The following EVL variants were observed in gnomAD, a reference collection of about 807,000 sequenced individuals.
EVL encodes the protein Enah/Vasp-like.
In EVL, 21 loss-of-function variants were observed where a neutral mutation model predicts 59.6. The ratio of observed to expected loss-of-function variants is 0.35; its 90% CI spans 0.25 to 0.51. The LOEUF (loss-of-function observed/expected upper bound fraction) is 0.51, where lower values mean the gene tolerates loss of function less well. Among genes scored for constraint, EVL ranks in the 20% least tolerant of loss-of-function variants. The pLI, the probability that EVL is intolerant of heterozygous loss-of-function variation, is 0.97. For synonymous variants in EVL, 198 were observed against 203.5 expected (o/e 0.97, Z 0.23); for missense variants, 462 against 546.6 (o/e 0.85, Z 1.54).
At chr14:100,009,883 A>G (rs2061005534) in intron 1 of EVL, among the ~76,000 whole-genome samples, 1 of 152,210 alleles carries the variant, frequency 6.6e-6, no homozygotes, top group African/African-American at 2.4e-5. Context: ...AAATTTAAAC[A>G]TTTTCTGGTT....
At chr14:100,105,867 C>A (rs1162631608) in intron 3 of EVL, among the ~76,000 whole-genome samples, 3 of 152,168 alleles carry the variant, frequency 2.0e-5, no homozygotes, top group African/African-American at 7.2e-5. Flanking sequence ...GAACATGCCT[C>A]CCCTGCCACA....
At chr14:100,095,053 A>G (rs1885711192) in intron 2 of EVL, among the ~76,000 whole-genome samples, 1 of 152,208 alleles carries the variant, frequency 6.6e-6, no homozygotes, top group Non-Finnish European at 1.5e-5. Context: ...AAAACAAAAC[A>G]AAACAAAACA....
intron 1 of EVL, among the ~76,000 whole-genome samples, chr14:100,018,047 G>A (rs1279252590): frequency 6.6e-6 from 1 of 152,276 alleles, no homozygotes; most frequent in Non-Finnish European, 1.5e-5. Context: ...CAAACCTTAT[G>A]TGAATAATTC....
At chr14:100,115,629 T>G (rs1887292424) in intron 3 of EVL, among the ~76,000 whole-genome samples, 2 of 152,176 alleles carry the variant, frequency 1.3e-5, no homozygotes, top group Non-Finnish European at 2.9e-5. Context: ...CTGAGCTGTC[T>G]CTGCTAAGCC....
chr14:100,031,986 C>T (rs1280185348), intron 1 of EVL, among the ~76,000 whole-genome samples: 2 of 152,200 alleles, frequency 1.3e-5, no homozygotes, highest in African/African-American at 2.4e-5. Flanking sequence ...CCTAGTTTTT[C>T]GGAAGTTACC....
At chr14:100,083,864 T>C (rs888436224) in intron 1 of EVL, among the ~76,000 whole-genome samples, 1 of 152,208 alleles carries the variant, frequency 6.6e-6, no homozygotes, top group Non-Finnish European at 1.5e-5. Flanking sequence ...TCATATGCTC[T>C]AGAGTCAGAC....
chr14:100,103,348 A>T (rs1886352260), intron 3 of EVL, among the ~76,000 whole-genome samples: 1 of 152,020 alleles, frequency 6.6e-6, no homozygotes, highest in African/African-American at 2.4e-5. Flanking sequence ...TAGGGATTGG[A>T]TGCCAAGCTT....
At chr14:100,106,525 G>A in intron 3 of EVL, 1 of 194,750 alleles carries the variant, frequency 5.1e-6, no homozygotes, top group Non-Finnish European at 1.0e-5. Flanking sequence ...GCTGGGTCTG[G>A]CCCTTTATGT....
At chr14:100,052,623 T>C (rs1178270494) in intron 1 of EVL, among the ~76,000 whole-genome samples, 1 of 151,882 alleles carries the variant, frequency 6.6e-6, no homozygotes, top group African/African-American at 2.4e-5. Flanking sequence ...CATGGTGGTG[T>C]GCACCTGTAG....
At chr14:100,076,480 C>G (rs1420867579) in intron 1 of EVL, among the ~76,000 whole-genome samples, 1 of 152,200 alleles carries the variant, frequency 6.6e-6, no homozygotes, top group African/African-American at 2.4e-5. Context: ...GCAGAGGGAC[C>G]TAGCATAGAC....
chr14:99,982,584 G>A (rs1222863134), intron 1 of EVL, among the ~76,000 whole-genome samples: 4 of 151,918 alleles, frequency 2.6e-5, no homozygotes, highest in Admixed American at 1.3e-4. Context: ...GAGGGAGAGC[G>A]GGGGGAAAAA....
At chr14:100,058,590 T>G (rs914391413) in intron 1 of EVL, among the ~76,000 whole-genome samples, 1 of 152,182 alleles carries the variant, frequency 6.6e-6, no homozygotes, top group Non-Finnish European at 1.5e-5. Context: ...CATTTTCTAT[T>G]GCCCTGACAT....
chr14:99,976,642 C>T (rs969369936), intron 1 of EVL, among the ~76,000 whole-genome samples: 2 of 152,072 alleles, frequency 1.3e-5, no homozygotes, highest in Non-Finnish European at 2.9e-5. Context: ...TAATTAATAT[C>T]TGCTGTTATA....
At chr14:100,124,490 C>G (rs911177409) in intron 4 of EVL, among the ~76,000 whole-genome samples, 1 of 152,218 alleles carries the variant, frequency 6.6e-6, no homozygotes, top group Non-Finnish European at 1.5e-5. Context: ...ATGGTGTTGG[C>G]TTTGCTCCCC....
At position 100,109,361 on chromosome 14, in the gene EVL, G is replaced by A. The variant is rs902208454; in HGVS notation, c.358+11703G>A. On this transcript the variant is annotated intron_variant, in intron 3 of 13. Coordinates refer to ENST00000392920, the MANE Select transcript of EVL (RefSeq NM_016337.3). This position sits in a 1 kb window ranked among gnomAD's most constrained non-coding sequence, Gnocchi z 4.3. ...GTTGTGAAGCCTTCCCAGTGCCCCA[G>A]AAGACCTCAGGCACCCCTTCCCAGT... The A allele has an allele frequency of 5.6e-6, 2 of 357,370 alleles. No individual in the cohort carries two copies. Among genetic ancestry groups the A allele is most frequent in the Middle Eastern group, 4.3e-4 (1 of 2,308 alleles). The allele number at this position is 357,370 out of a possible 1,614,324, so 22.1% of individuals were successfully genotyped here. A position where few individuals can be genotyped will look rare whatever the true frequency, so the allele number is the denominator to read the frequency against.
At chr14:100,057,968 A>T (rs1463121441) in intron 1 of EVL, among the ~76,000 whole-genome samples, 1 of 152,224 alleles carries the variant, frequency 6.6e-6, no homozygotes, top group African/African-American at 2.4e-5. Flanking sequence ...TGCCTTCTTA[A>T]CACAAATTCT....
intron 1 of EVL, among the ~76,000 whole-genome samples, chr14:100,032,885 C>T (rs955530718): frequency 6.6e-6 from 1 of 152,110 alleles, no homozygotes; most frequent in Admixed American, 6.5e-5. Flanking sequence ...TTGAGCAGAG[C>T]TGGACACATG....
At position 100,132,575 on chromosome 14, in the gene EVL, C is replaced by T. The variant is rs549449240; in HGVS notation, c.840-144C>T. On this transcript the variant is annotated intron_variant, in intron 7 of 13. Transcript: ENST00000392920. ...GGCTCCTCACCAGACGGGGCCTAGA[C>T]AAGCCGCCTCCTTCACGCCATCGTT... 129 of 913,448 alleles carry T rather than the reference C, an allele frequency of 1.4e-4. 1 individual carries two copies. The highest frequency in any genetic ancestry group is 1.3e-3 in the South Asian group (92 of 70,842). The allele number at this position is 913,448 out of a possible 1,614,324, so 56.6% of individuals were successfully genotyped here. A position where few individuals can be genotyped will look rare whatever the true frequency, so the allele number is the denominator to read the frequency against.
intron 3 of EVL, among the ~76,000 whole-genome samples, chr14:100,097,991 A>G (rs891591366): frequency 4.6e-5 from 7 of 152,238 alleles, no homozygotes; most frequent in Non-Finnish European, 1.0e-4. Context: ...AAAACAGTCA[A>G]GAATTTATTT....
Sources: gnomAD v4.1 joint callset for allele counts (sites outside exome capture counted in the v4.1 genomes callset) on GRCh38, gnomAD v4.1.1 for gene constraint, Gnocchi (gnomAD v3.1) non-coding constraint, MANE v1.5 for transcripts, NCBI Gene and HGNC (gene_info 2026-07-23, HGNC 2026-07-21) for gene names.